The following MAP3K5 variants were observed in gnomAD, a reference collection of about 807,000 sequenced individuals.
MAP3K5 encodes the protein ASK-1.
Under a neutral mutation model 158.7 loss-of-function variants are expected in MAP3K5, and 56 were observed. The observed-to-expected ratio is 0.35, with a 90% CI of 0.28 to 0.44. MAP3K5 has a LOEUF of 0.44. Among genes scored for constraint, MAP3K5 ranks in the 20% least tolerant of loss-of-function variants. The probability of loss-of-function intolerance (pLI) is 1.00; values close to 1 mark genes in which losing one functional copy is unlikely to be tolerated. For synonymous variants in MAP3K5, 579 were observed against 601.7 expected (o/e 0.96, Z 0.55); for missense variants, 1,294 against 1,674.8 (o/e 0.77, Z 3.97).
rs759136834 is a variant in MAP3K5 at position 136,583,532 on chromosome 6, CACTGGCAAAA to C, written c.3411+13_3411+22del. 2.6e-5 allele frequency: 41 copies of C among 1,586,746 alleles called. No homozygotes were observed. The East Asian group carries it at 8.4e-4, about 32-fold the overall frequency. On this transcript the variant is annotated intron_variant, in intron 24 of 29. Coordinates refer to ENST00000359015, the MANE Select transcript of MAP3K5 (RefSeq NM_005923.4). ...TAACTAATTTTAGTGTGTGGGAAAA[CACTGGCAAAA>C]TATCATACTTACAGCATCTTGAAAA... is the stretch of plus-strand genomic sequence containing the variant.
At chr6:136,762,722 C>T (rs1783811107) in intron 1 of MAP3K5, among the ~76,000 whole-genome samples, 1 of 152,212 alleles carries the variant, frequency 6.6e-6, no homozygotes, top group South Asian at 2.1e-4. Flanking sequence ...TAGGGACAGG[C>T]AGGTTGCAGG....
chr6:136,624,953 A>G (rs1177342299), intron 14 of MAP3K5, among the ~76,000 whole-genome samples: 4 of 152,218 alleles, frequency 2.6e-5, no homozygotes, highest in African/African-American at 4.8e-5. Context: ...CTAAAAACAC[A>G]TAGGTAAAAT....
intron 14 of MAP3K5, among the ~76,000 whole-genome samples, chr6:136,624,066 C>A (rs1364804716): frequency 6.6e-6 from 1 of 151,896 alleles, no homozygotes; most frequent in African/African-American, 2.4e-5. Context: ...TGGTGGTGCA[C>A]GCCTGTAATC....
intron 1 of MAP3K5, among the ~76,000 whole-genome samples, chr6:136,729,319 T>C (rs943412526): frequency 6.6e-6 from 1 of 151,262 alleles, no homozygotes; most frequent in Non-Finnish European, 1.5e-5. Context: ...TGTTTCTGGA[T>C]GGATGACGTC....
At chr6:136,565,908 C>G (rs148683763) in intron 26 of MAP3K5, among the ~76,000 whole-genome samples, 41 of 152,228 alleles carry the variant, frequency 2.7e-4, no homozygotes, top group African/African-American at 9.4e-4. Flanking sequence ...TTCACAGACT[C>G]AAATGTAAAT....
In MAP3K5 at chr6:136,792,053, C is replaced by A. The variant is rs1355329657; in HGVS notation, c.105G>T (p.Ala35=). ...GCTCCTCGCCCTCGCCCACCGCCGC[C>A]GCTCCTCCCCTCCTGCAGATGCCGC... ...PEGGICRRGG[A]AAVGEGEEHQ... is the part of the protein sequence containing the mutation. The change falls in exon 1 of 30, where the codon GCG becomes GCT. Residue 35 remains alanine, a synonymous_variant. Transcript: ENST00000359015. This position sits in a 1 kb window ranked among gnomAD's most constrained non-coding sequence, Gnocchi z 5.7. 6.4e-7 allele frequency: 1 copy of A among 1,551,200 alleles called. No homozygotes were observed. The highest frequency in any genetic ancestry group is 8.6e-7 in the Non-Finnish European group (1 of 1,156,178).
At chr6:136,649,707 T>C (rs1469662949) in intron 11 of MAP3K5, among the ~76,000 whole-genome samples, 4 of 152,242 alleles carry the variant, frequency 2.6e-5, no homozygotes, top group African/African-American at 7.2e-5. Context: ...CCACATAATA[T>C]GCACACTGCA....
At chr6:136,693,966 C>A (rs926074825) in intron 7 of MAP3K5, among the ~76,000 whole-genome samples, 174 bp downstream of exon 7, 2 of 152,066 alleles carry the variant, frequency 1.3e-5, no homozygotes, top group African/African-American at 4.8e-5. Context: ...CCAGCCTGGG[C>A]AACAGAACAA....
rs1830317372 is a variant in MAP3K5 at position 136,557,804 on chromosome 6, C to T, written c.4079G>A (p.Cys1360Tyr). The T allele has an allele frequency of 6.2e-7, 1 of 1,610,102 alleles. No individual in the cohort carries two copies. Among genetic ancestry groups the T allele is most frequent in the Non-Finnish European group, 8.5e-7 (1 of 1,176,486 alleles). ...GTCAATGATAGCCTTCCACAGTGTGCACAGCATCCCTCCCCTGTTTAAAGA... is the reference window on the plus strand; with the variant it reads ...GTCAATGATAGCCTTCCACAGTGTGTACAGCATCCCTCCCCTGTTTAAAGA... ...KCLRLRGGML[C>Y]TLWKAIIDFR... Residue 1360 changes from cysteine (C) to tyrosine (Y), a missense_variant, in exon 30 of 30, where the codon TGC (cysteine) becomes TAC (tyrosine). By Grantham distance (194) the Cys-to-Tyr change is radical. Transcript: ENST00000359015.
At chr6:136,631,678 T>C (rs1777362696) in intron 14 of MAP3K5, among the ~76,000 whole-genome samples, 1 of 152,138 alleles carries the variant, frequency 6.6e-6, no homozygotes, top group Admixed American at 6.6e-5. Flanking sequence ...CAGTTTGAGA[T>C]ATTAGGTTGG....
chr6:136,788,833 G>A (rs191363657), intron 1 of MAP3K5, among the ~76,000 whole-genome samples: 2 of 152,338 alleles, frequency 1.3e-5, no homozygotes, highest in Non-Finnish European at 1.5e-5. Flanking sequence ...ACCGTGGAAA[G>A]TAATTTGGAG....
chr6:136,607,761 C>T (rs551236486), intron 18 of MAP3K5, among the ~76,000 whole-genome samples: 1 of 152,284 alleles, frequency 6.6e-6, no homozygotes, highest in Admixed American at 6.5e-5. Flanking sequence ...ACACTGAGGA[C>T]CTACTATGGG....
chr6:136,562,474 G>A, intron 27 of MAP3K5, 29 bp downstream of exon 27: 2 of 1,221,884 alleles, frequency 1.6e-6, no homozygotes, highest in South Asian at 1.4e-5. Context: ...TGGCTGAACA[G>A]TATTACTATA....
chr6:136,625,727 T>A (rs1328095849), intron 14 of MAP3K5, among the ~76,000 whole-genome samples: 1 of 152,194 alleles, frequency 6.6e-6, no homozygotes, highest in Non-Finnish European at 1.5e-5. Flanking sequence ...TTCTTACTGA[T>A]AATGCACCAC....
intron 21 of MAP3K5, chr6:136,593,830 A>C (rs1218739443): frequency 2.8e-6 from 1 of 356,336 alleles, no homozygotes; most frequent in Non-Finnish European, 5.4e-6. Context: ...ATAGAAAAGG[A>C]AATCCACTGT....
chr6:136,616,672 TAAAG>T (rs1288495168), intron 15 of MAP3K5, among the ~76,000 whole-genome samples: 2 of 151,924 alleles, frequency 1.3e-5, no homozygotes, highest in Admixed American at 6.6e-5. Context: ...AGTTAAGAGA[TAAAG>T]AAAAATCTGA....
intron 15 of MAP3K5, among the ~76,000 whole-genome samples, chr6:136,616,564 C>T (rs1776574885): frequency 6.6e-6 from 1 of 152,084 alleles, no homozygotes; most frequent in African/African-American, 2.4e-5. Flanking sequence ...ACCTCAGCCT[C>T]CCAAAGGGCT....
intron 21 of MAP3K5, among the ~76,000 whole-genome samples, chr6:136,595,390 G>C (rs6928664): frequency 0.044 from 6,773 of 152,206 alleles, 509 homozygotes; most frequent in African/African-American, 0.15. Flanking sequence ...CAGGTGTTGA[G>C]CCACCGCACC....
At chr6:136,707,049 G>T (rs1781105648) in intron 2 of MAP3K5, among the ~76,000 whole-genome samples, 1 of 152,122 alleles carries the variant, frequency 6.6e-6, no homozygotes, top group African/African-American at 2.4e-5. Flanking sequence ...AAGCTACTTG[G>T]AAGGCTGGGG....
Sources: allele counts gnomAD v4.1 joint callset (sites outside exome capture counted in the v4.1 genomes callset), GRCh38; gene constraint gnomAD v4.1.1; non-coding constraint Gnocchi (gnomAD v3.1); transcripts MANE v1.5; gene names NCBI Gene and HGNC (gene_info 2026-07-23, HGNC 2026-07-21).